The following SAMD13 variants were observed in gnomAD, a reference collection of about 807,000 sequenced individuals.
The protein encoded by SAMD13 is sterile alpha motif domain containing 13.
Under a neutral mutation model 12.4 loss-of-function variants are expected in SAMD13, and 9 were observed. The ratio of observed to expected loss-of-function variants is 0.72; its 90% confidence interval spans 0.44 to 1.26. SAMD13 has a LOEUF of 1.26. Ranked by LOEUF, SAMD13 falls within the 50% of genes most tolerant of loss-of-function variation. The pLI is 0.00. For synonymous variants in SAMD13, 46 were observed against 45.4 expected (o/e 1.01, Z -0.05); for missense variants, 84 against 119.6 (o/e 0.70, Z 1.39).
Position 84,308,135 on chromosome 1 carries a change from G to C in SAMD13, c.53+4848G>C, listed in dbSNP as rs78865130. ...TTACTGTCCCAATGACCAATGTCTT[G>C]TGTACCATTGCCTCATATATTTCAT... On this transcript the variant is annotated intron_variant, in intron 2 of 3. Coordinates refer to ENST00000394834, the MANE Select transcript of SAMD13 (RefSeq NM_001134663.2). 1.2e-4 allele frequency among the ~76,000 whole-genome samples: 18 copies of C among 152,278 alleles called. No individual in the cohort carries two copies. The East Asian group carries it at 3.3e-3, about 28-fold the overall frequency.
intron 3 of SAMD13, among the ~76,000 whole-genome samples, chr1:84,331,031 A>G (rs1386890354): frequency 6.6e-6 from 1 of 152,150 alleles, no homozygotes; most frequent in Admixed American, 6.6e-5. Context: ...AAATGCAAAG[A>G]TTGACATCTC....
At chr1:84,322,104 T>G (rs1678959338) in intron 2 of SAMD13, among the ~76,000 whole-genome samples, 1 of 152,200 alleles carries the variant, frequency 6.6e-6, no homozygotes, top group African/African-American at 2.4e-5. Flanking sequence ...AAATACGTCC[T>G]CAACAGCACT....
chr1:84,342,649 G>A (rs781658595), intron 3 of SAMD13, among the ~76,000 whole-genome samples: 5 of 152,166 alleles, frequency 3.3e-5, no homozygotes, highest in Non-Finnish European at 7.3e-5. Context: ...GAACTGGCTA[G>A]CCACATGCAG....
At chr1:84,313,256 TAAGC>T (rs1399411416) in intron 2 of SAMD13, among the ~76,000 whole-genome samples, 2 of 152,106 alleles carry the variant, frequency 1.3e-5, no homozygotes, top group Non-Finnish European at 2.9e-5. Context: ...CACATACAAA[TAAGC>T]TTTTATTGAA....
At chr1:84,302,541 TACACACACACACACACACACACACAC>T in intron 1 of SAMD13, 1 of 204,078 alleles carries the variant, frequency 4.9e-6, no homozygotes, top group Non-Finnish European at 8.2e-6. Context: ...TTCTTACACA[TACACACACACACACACACACACACAC>T]ACACACACAC....
In SAMD13 at chr1:84,327,348, C is replaced by T. The variant is rs550615555; in HGVS notation, c.165+1600C>T. Among the ~76,000 whole-genome samples the T allele has an allele frequency of 2.0e-5, 3 of 152,202 alleles. No individual in the cohort carries two copies. In the East Asian group the frequency reaches 5.8e-4, roughly 29 times the overall value. On this transcript the variant is annotated intron_variant, in intron 3 of 3. Coordinates refer to ENST00000394834, the MANE Select transcript of SAMD13 (RefSeq NM_001134663.2). ...GAAACCTTACATAACTGAGTTCATACTGAATGGTTCCATTTAGATAAGGTT... is the reference window on the plus strand; with the variant it reads ...GAAACCTTACATAACTGAGTTCATATTGAATGGTTCCATTTAGATAAGGTT...
rs954328638 is a variant in SAMD13 at position 84,320,661 on chromosome 1, A to T, written c.54-4976A>T. 2.6e-5 allele frequency among the ~76,000 whole-genome samples: 4 copies of T among 152,368 alleles called. No homozygotes were observed. In the South Asian group the frequency reaches 8.3e-4, roughly 32 times the overall value. ...AGGCTGTTTTAAGACATGAGCAAAG[A>T]ATAGGTTAATTTCATTTTGAAAATA... On this transcript the variant is annotated intron_variant, in intron 2 of 3. Transcript: ENST00000394834.
intron 3 of SAMD13, 73 bp from the exon 4 acceptor site, chr1:84,349,557 GA>G: frequency 6.5e-7 from 1 of 1,543,420 alleles, no homozygotes. Flanking sequence ...TTTTACCTCT[GA>G]ACTTCCTTTT....
intron 2 of SAMD13, among the ~76,000 whole-genome samples, chr1:84,323,554 C>T (rs1678994475): frequency 3.3e-5 from 5 of 152,078 alleles, no homozygotes; most frequent in Admixed American, 2.6e-4. Flanking sequence ...GAGAAATTAA[C>T]GATCACATGT....
At chr1:84,348,060 G>T (rs908153480) in intron 3 of SAMD13, among the ~76,000 whole-genome samples, 1 of 152,132 alleles carries the variant, frequency 6.6e-6, no homozygotes, top group African/African-American at 2.4e-5. Context: ...GTTCTGCTCT[G>T]GTTCATATTA....
chr1:84,328,166 A>G (rs1416398178), intron 3 of SAMD13, among the ~76,000 whole-genome samples: 1 of 152,304 alleles, frequency 6.6e-6, no homozygotes, highest in Admixed American at 6.5e-5. Context: ...TGGACCTTCC[A>G]GGTTCTGTGA....
At chr1:84,334,529 T>A (rs1305199522) in intron 3 of SAMD13, among the ~76,000 whole-genome samples, 1 of 152,164 alleles carries the variant, frequency 6.6e-6, no homozygotes, top group African/African-American at 2.4e-5. Flanking sequence ...GTTCATCTTT[T>A]ATATGGTTTT....
intron 3 of SAMD13, among the ~76,000 whole-genome samples, chr1:84,332,428 C>G (rs924763235): frequency 6.6e-6 from 1 of 152,140 alleles, no homozygotes; most frequent in Non-Finnish European, 1.5e-5. Context: ...AAAAGCCATT[C>G]TAACTAGTGC....
intron 2 of SAMD13, among the ~76,000 whole-genome samples, chr1:84,304,872 A>G (rs995730360): frequency 7.9e-5 from 12 of 152,166 alleles, no homozygotes; most frequent in Non-Finnish European, 1.8e-4. Context: ...ATTACTGAGT[A>G]ATATTTCACT....
At chr1:84,348,490 G>A (rs913778344) in intron 3 of SAMD13, among the ~76,000 whole-genome samples, 1 of 151,550 alleles carries the variant, frequency 6.6e-6, no homozygotes, top group African/African-American at 2.4e-5. Flanking sequence ...CAGAAATGTC[G>A]TGACTCACCG....
chr1:84,329,700 C>A (rs1181145702), intron 3 of SAMD13, among the ~76,000 whole-genome samples: 1 of 152,206 alleles, frequency 6.6e-6, no homozygotes, highest in East Asian at 1.9e-4. Flanking sequence ...TCATCAAATT[C>A]TCTTCTGGCA....
At chr1:84,344,078 C>CTT (rs113728574) in intron 3 of SAMD13, among the ~76,000 whole-genome samples, 2 of 141,092 alleles carry the variant, frequency 1.4e-5, no homozygotes, top group Non-Finnish European at 3.1e-5. Context: ...GTTTTTTTGG[C>CTT]TTTTTTTTTT....
At chr1:84,305,709 T>A (rs979807580) in intron 2 of SAMD13, among the ~76,000 whole-genome samples, 4 of 152,160 alleles carry the variant, frequency 2.6e-5, no homozygotes, top group Admixed American at 2.6e-4. Context: ...AGGGTTGAAG[T>A]GCTTTGTGTG....
chr1:84,301,673 T>C (rs1208709713), upstream of SAMD13: 3 of 985,452 alleles, frequency 3.0e-6, no homozygotes, highest in East Asian at 3.4e-4. Flanking sequence ...CCTGGTTTTA[T>C]TTCACTGTGT....
Sources: gnomAD v4.1 joint callset for allele counts (sites outside exome capture counted in the v4.1 genomes callset) on GRCh38, gnomAD v4.1.1 for gene constraint, MANE v1.5 for transcripts, NCBI Gene and HGNC (gene_info 2026-07-23, HGNC 2026-07-21) for gene names.